Variants in MXRA5 observed in about 807,000 individuals in gnomAD.
MXRA5 encodes the protein matrix remodeling associated 5.
Under a neutral mutation model 112.5 loss-of-function variants are expected in MXRA5, and 41 were observed. That is an observed-to-expected ratio of 0.36 (90% confidence interval 0.28 to 0.47). MXRA5 has a LOEUF of 0.47. Among genes scored for constraint, MXRA5 ranks in the 20% least tolerant of loss-of-function variants. MXRA5 has a pLI of 0.99. For synonymous variants in MXRA5, 862 were observed against 900.8 expected (o/e 0.96, Z 0.77); for missense variants, 2,150 against 2,251.0 (o/e 0.96, Z 0.91).
At chrX:3,328,710 A>G (rs1020773333) in intron 4 of MXRA5, among the ~76,000 whole-genome samples, 4 of 106,953 alleles carry the variant, frequency 3.7e-5, no homozygotes, top group African/African-American at 1.4e-4. Context: ...AATGCAATCT[A>G]AGGATGGGGA....
At chrX:3,336,320 G>T (rs1331321646) in intron 2 of MXRA5, among the ~76,000 whole-genome samples, 1 of 111,509 alleles carries the variant, frequency 9.0e-6, no homozygotes, top group Admixed American at 9.6e-5. Context: ...AATAATAATA[G>T]AAATAAAGTG....
intron 6 of MXRA5, among the ~76,000 whole-genome samples, chrX:3,314,822 TATCTCCTTGGAATAAA>T (rs1007259554): frequency 1.7e-4 from 19 of 110,095 alleles, no homozygotes; most frequent in Admixed American, 6.8e-4. Context: ...CATAGCCAAA[TATCTCCTTGGAATAAA>T]ATCTCCTTGG....
chrX:3,329,330 A>ATGAAGGAAAAAAGAAGGAAGGAAGGAC (rs1921598231), intron 4 of MXRA5, among the ~76,000 whole-genome samples: 1 of 98,803 alleles, frequency 1.0e-5, no homozygotes. Context: ...GAAGGAAGGA[A>ATGAAGGAAAAAAGAAGGAAGGAAGGAC]GGAGAGAAGG....
rs760344758 is a variant in MXRA5 at position 3,317,766 on chromosome X, C to T, written c.5915G>A (p.Cys1972Tyr). 3.3e-6 allele frequency: 4 copies of T among 1,208,913 alleles called. No homozygotes were observed. Among genetic ancestry groups the T allele is most frequent in the South Asian group, 3.5e-5 (2 of 56,577 alleles). The change falls in exon 6 of 7, where the codon TGT (cysteine) becomes TAT (tyrosine). Residue 1972 changes from cysteine to tyrosine, a missense_variant. Coordinates refer to ENST00000217939, the MANE Select transcript of MXRA5 (RefSeq NM_015419.4). Reference protein sequence around the residue: ...VYLGDTIAMECLAKGTPAPQI... With the variant: ...VYLGDTIAMEYLAKGTPAPQI... ...GGGGGCTGGGGTCCCTTTGGCCAGA[C>T]ACTCCATTGCAATGGTGTCTCCCAG...
At chrX:3,319,721 C>G (rs954763673) in intron 5 of MXRA5, among the ~76,000 whole-genome samples, 1 of 111,411 alleles carries the variant, frequency 9.0e-6, no homozygotes, top group African/African-American at 3.3e-5. Flanking sequence ...TTGGATGCTA[C>G]GCTGGCTACC....
rs1921282453 is a variant in MXRA5 at position 3,320,906 on chromosome X, T to C, written c.4779A>G (p.Gln1593=). The C allele has an allele frequency of 8.3e-7, 1 of 1,211,960 alleles. No homozygotes were observed. Among genetic ancestry groups the C allele is most frequent in the African/African-American group, 1.7e-5 (1 of 57,843 alleles). The change falls in exon 5 of 7, where the codon CAA becomes CAG. Residue 1593 remains glutamine, a synonymous_variant. Transcript: ENST00000217939. The part of the protein sequence containing the change: ...SRSLPRGPDS[Q]RQDGRVHASH... ...AAGCATGAACTCTTCCATCCTGGCG[T>C]TGGCTATCTGGGCCACGTGGTAGAC...
chrX:3,320,299 T>C lies in MXRA5; in HGVS notation c.5386A>G (p.Thr1796Ala). 8.3e-7 allele frequency: 1 copy of C among 1,211,664 alleles called. No homozygotes were observed. The highest frequency in any genetic ancestry group is 2.3e-4 in the Middle Eastern group (1 of 4,334). Residue 1796 changes from threonine to alanine, a missense_variant, in exon 5 of 7, where the codon ACG becomes GCG. Physicochemically the swap from Thr to Ala is moderately conservative, Grantham distance 58 (BLOSUM62 0). This residue lies in a region of MXRA5 where 1,485 missense variants were observed against 1,471.6 expected (regional missense o/e 1.01). Transcript: ENST00000217939. Reference sequence around the variant, plus strand: ...TGTAAGTTAGTTGAGGGTGATCCCGTGGTCTGCGGAGTGTGCAACAACGGA... The same window carrying C: ...TGTAAGTTAGTTGAGGGTGATCCCGCGGTCTGCGGAGTGTGCAACAACGGA... ...APPLLHTPQT[T>A]GSPSTNLQNI...
At position 3,321,459 on chromosome X, in the gene MXRA5, A is replaced by G. The variant is rs1272046451; in HGVS notation, c.4226T>C (p.Leu1409Pro). The G allele has an allele frequency of 8.3e-7, 1 of 1,209,412 alleles. No individual in the cohort carries two copies. Among genetic ancestry groups the G allele is most frequent in the African/African-American group, 1.8e-5 (1 of 57,102 alleles). The change falls in exon 5 of 7, where the codon CTT becomes CCT. Residue 1409 changes from leucine to proline, a missense_variant. Physicochemically the swap from Leu to Pro is moderately conservative, Grantham distance 98 (BLOSUM62 -3). This residue lies in a region of MXRA5 where 1,485 missense variants were observed against 1,471.6 expected (regional missense o/e 1.01). Coordinates refer to ENST00000217939, the MANE Select transcript of MXRA5 (RefSeq NM_015419.4). ...ATCCACATCCTCAAGCTCTTTAAGA[A>G]GGGGAGGGTCTGTAAGATTTTCCCC... ...TSGENLTDPP[L>P]LKELEDVDFT...
rs1921334598 is a variant in MXRA5, at chrX:3,322,365, G to A, written c.3320C>T (p.Ser1107Phe). ...GGTTTCCGCAGGCTTCTTAACTGGA[G>A]ACATACTGCTCATTATACCCAGTGT... ...DSTLGIMSSMSPVKKPAETTV... is the reference protein window; with the variant it reads ...DSTLGIMSSMFPVKKPAETTV... The change falls in exon 5 of 7, where the codon TCT becomes TTT. Residue 1107 changes from serine (S) to phenylalanine (F), a missense_variant. By Grantham distance (155) the Ser-to-Phe change is radical. Coordinates refer to ENST00000217939, the MANE Select transcript of MXRA5 (RefSeq NM_015419.4). The A allele has an allele frequency of 1.7e-6, 2 of 1,209,360 alleles. No homozygotes were observed. Among genetic ancestry groups the A allele is most frequent in the South Asian group, 3.5e-5 (2 of 56,719 alleles).
rs1443378963 is a variant in MXRA5, at chrX:3,317,368, C to G, written c.6313G>C (p.Gly2105Arg). Residue 2105 changes from glycine to arginine, a missense_variant, in exon 6 of 7, where the codon GGG becomes CGG. This residue lies in a region of MXRA5 where 1,485 missense variants were observed against 1,471.6 expected (regional missense o/e 1.01). Coordinates refer to ENST00000217939, the MANE Select transcript of MXRA5 (RefSeq NM_015419.4). Reference sequence around the variant, plus strand: ...GCGAGGTTGCGGATGTAGAGCGTCCCGTTGGGGAAAACAAACAAGTTCCCG... The same window carrying G: ...GCGAGGTTGCGGATGTAGAGCGTCCGGTTGGGGAAAACAAACAAGTTCCCG... The part of the protein sequence containing the change: ...LHGNLFVFPN[G>R]TLYIRNLAPK... 5 of 1,209,583 alleles carry G rather than the reference C, an allele frequency of 4.1e-6. No individual in the cohort carries two copies. Among genetic ancestry groups the G allele is most frequent in the Admixed American group, 2.2e-5 (1 of 45,981 alleles).
chrX:3,340,469 A>G (rs748905883), intron 2 of MXRA5, among the ~76,000 whole-genome samples: 2 of 111,915 alleles, frequency 1.8e-5, no homozygotes, highest in East Asian at 5.6e-4. Context: ...TTACAAATTA[A>G]ACCAGATGGA....
chrX:3,316,074 T>TTC, intron 6 of MXRA5, among the ~76,000 whole-genome samples: 1 of 18,030 alleles, frequency 5.5e-5, no homozygotes, highest in Middle Eastern at 0.026. Flanking sequence ...AAGCACACAC[T>TTC]GGGGCCGGGC....
At chrX:3,329,296 AGAAG>A (rs1335049732) in intron 4 of MXRA5, among the ~76,000 whole-genome samples, 1 of 95,460 alleles carries the variant, frequency 1.0e-5, no homozygotes, top group South Asian at 7.1e-4. Context: ...CAAGGAAAAA[AGAAG>A]GAAGGAAGGA....
intron 2 of MXRA5, among the ~76,000 whole-genome samples, chrX:3,331,455 T>C (rs1196504551): frequency 8.9e-6 from 1 of 111,750 alleles, no homozygotes; most frequent in Non-Finnish European, 1.9e-5. Flanking sequence ...AACTCTGTGC[T>C]GAAGTGACAG....
chrX:3,343,334 T>C (rs1922031600), intron 2 of MXRA5, among the ~76,000 whole-genome samples: 1 of 112,238 alleles, frequency 8.9e-6, no homozygotes, highest in Admixed American at 9.5e-5. Context: ...TGCATTCACC[T>C]CAACAATGTA....
intron 2 of MXRA5, among the ~76,000 whole-genome samples, chrX:3,338,958 TTAGATAGATAGATAGA>T (rs749467757): frequency 1.7e-4 from 14 of 80,822 alleles, no homozygotes; most frequent in South Asian, 5.7e-4. Flanking sequence ...AGATAGATAG[TTAGATAGATAGATAGA>T]TAGATAGATA....
rs1921320445 is a variant in MXRA5 at position 3,321,977 on chromosome X, C to T, written c.3708G>A (p.Lys1236=). ...GGGTATATCGATGTTTGTTTGGCCT[C>T]TTCCCGTGTTTTCTCCGTGGTGTTC... is the stretch of plus-strand genomic sequence containing the variant. ...SKGTPRRKHG[K]RPNKHRYTPS... is the part of the protein sequence containing the mutation. The change falls in exon 5 of 7, where the codon AAG becomes AAA. Residue 1236 remains lysine (K), a synonymous_variant. Coordinates refer to ENST00000217939, the MANE Select transcript of MXRA5 (RefSeq NM_015419.4). 1.7e-6 allele frequency: 2 copies of T among 1,211,625 alleles called. No homozygotes were observed. The highest frequency in any genetic ancestry group is 2.2e-6 in the Non-Finnish European group (2 of 895,539).
At chrX:3,334,161 T>C (rs999536398) in intron 2 of MXRA5, among the ~76,000 whole-genome samples, 1 of 111,254 alleles carries the variant, frequency 9.0e-6, no homozygotes, top group African/African-American at 3.3e-5. Flanking sequence ...TTTGTATTTT[T>C]AGTAGAGATG....
chrX:3,340,330 CTT>C (rs747611167), intron 2 of MXRA5, among the ~76,000 whole-genome samples: 28 of 111,709 alleles, frequency 2.5e-4, no homozygotes, highest in African/African-American at 8.4e-4. Flanking sequence ...AGACATTGCT[CTT>C]GTTTCAGTTT....
Sources: allele counts gnomAD v4.1 joint callset (sites outside exome capture counted in the v4.1 genomes callset), GRCh38; gene constraint gnomAD v4.1.1; regional missense constraint gnomAD v4.1.1; transcripts MANE v1.5; gene names NCBI Gene and HGNC (gene_info 2026-07-23, HGNC 2026-07-21).